The following USH2A variants were observed in gnomAD, a reference collection of about 807,000 sequenced individuals.
The protein encoded by USH2A is usherin, also known as Usher syndrome 2A (autosomal recessive, mild).
A neutral mutation model predicts 538.9 loss-of-function variants in USH2A; 443 were observed. That is an observed-to-expected ratio of 0.82 (90% CI 0.76 to 0.89). The LOEUF (loss-of-function observed/expected upper bound fraction) is 0.89. USH2A is among the 40% of genes least tolerant of loss of function. The probability of loss-of-function intolerance (pLI) is 0.00; values close to 1 mark genes in which losing one functional copy is unlikely to be tolerated. For missense variants in USH2A, 6,633 were observed against 6,324.8 expected, an observed-to-expected ratio of 1.05 and a Z score of -1.65; for synonymous variants, 2,413 against 2,273.5, an observed-to-expected ratio of 1.06 and a Z score of -1.75.
intron 67 of USH2A, 110 bp from the exon 68 acceptor site, chr1:215,640,844 C>CAAAAAA (rs56212994): frequency 4.5e-4 from 223 of 496,622 alleles, no homozygotes; most frequent in South Asian, 1.8e-3. Flanking sequence ...CCAATCCAAA[C>CAAAAAA]AAAAAAAAAA....
intron 37 of USH2A, among the ~76,000 whole-genome samples, chr1:215,957,083 T>C (rs1667086308): frequency 6.6e-6 from 1 of 152,204 alleles, no homozygotes; most frequent in African/African-American, 2.4e-5. Flanking sequence ...TCCAGAAATG[T>C]GTTGGAAACT....
intron 49 of USH2A, among the ~76,000 whole-genome samples, chr1:215,811,015 C>T (rs1662657533): frequency 6.6e-6 from 1 of 152,022 alleles, no homozygotes; most frequent in South Asian, 2.1e-4. Context: ...AATCAGGACA[C>T]CTGAAACCAC....
rs145565836 is a variant in USH2A, at chr1:215,931,368, C to A, written c.7300+3248G>T. ...ATTCTTTGGAGTATGACCCTTTCAC[C>A]TCTCCTTTCCAAATTACTATCTAAA... On this transcript the variant is annotated intron_variant, in intron 38 of 71. Coordinates refer to ENST00000307340, the MANE Select transcript of USH2A (RefSeq NM_206933.4). Among the ~76,000 whole-genome samples the A allele has an allele frequency of 7.0e-4, 107 of 151,996 alleles. 1 individual carries two copies. The East Asian group carries it at 0.02, about 29-fold the overall frequency.
At chr1:216,294,980 C>T (rs1370285544) in intron 9 of USH2A, among the ~76,000 whole-genome samples, 1 of 151,550 alleles carries the variant, frequency 6.6e-6, no homozygotes, top group Admixed American at 6.6e-5. Flanking sequence ...TTTAAATATA[C>T]AGTTATATTT....
chr1:215,963,379 G>A (rs1401229809), intron 37 of USH2A, among the ~76,000 whole-genome samples: 2 of 151,870 alleles, frequency 1.3e-5, no homozygotes, highest in Non-Finnish European at 2.9e-5. Context: ...ATTTTCCTGG[G>A]GCCCATCTCA....
chr1:215,911,302 A>T (rs1665774265), intron 38 of USH2A, among the ~76,000 whole-genome samples: 1 of 151,826 alleles, frequency 6.6e-6, no homozygotes. Context: ...GGTCTTATGC[A>T]TTCATTCTAT....
chr1:216,102,757 G>A (rs2032621308), intron 21 of USH2A, among the ~76,000 whole-genome samples: 1 of 152,108 alleles, frequency 6.6e-6, no homozygotes, highest in Non-Finnish European at 1.5e-5. Context: ...TGGAGATCGC[G>A]CCACTGCACT....
chr1:215,628,797 T>C lies in USH2A; in HGVS notation c.15519+17A>G. On this transcript the variant is annotated intron_variant, in intron 71 of 71. Transcript: ENST00000307340. Reference sequence around the variant, plus strand: ...TGGGATATTTAGCAAAGGCCCTGTATGAGGAAACCAACTCACCAGTCCACT... The same window carrying C: ...TGGGATATTTAGCAAAGGCCCTGTACGAGGAAACCAACTCACCAGTCCACT... The C allele has an allele frequency of 6.2e-7, 1 of 1,613,596 alleles. No individual in the cohort carries two copies. The highest frequency in any genetic ancestry group is 8.5e-7 in the Non-Finnish European group (1 of 1,179,508).
At chr1:216,413,834 C>A (rs1343364655) in intron 3 of USH2A, among the ~76,000 whole-genome samples, 1 of 152,052 alleles carries the variant, frequency 6.6e-6, no homozygotes, top group African/African-American at 2.4e-5. Context: ...TGTTTTACTG[C>A]AATTCTGCAT....
intron 20 of USH2A, 32 bp from the exon 21 acceptor site, chr1:216,175,514 G>T: frequency 6.2e-7 from 1 of 1,609,672 alleles, no homozygotes; most frequent in South Asian, 1.1e-5. Flanking sequence ...TTATATTCAA[G>T]AATTTGGTTT....
At chr1:216,256,649 G>A (rs1156748476) in intron 11 of USH2A, among the ~76,000 whole-genome samples, 1 of 151,914 alleles carries the variant, frequency 6.6e-6, no homozygotes, top group Admixed American at 6.6e-5. Context: ...TACTCAAAGT[G>A]AAGATAAAGA....
At chr1:216,150,972 T>C (rs868645747) in intron 21 of USH2A, among the ~76,000 whole-genome samples, 12 of 152,170 alleles carry the variant, frequency 7.9e-5, no homozygotes, top group African/African-American at 2.9e-4. Context: ...TTAGCAGTAA[T>C]TATTGCTTAG....
intron 29 of USH2A, 135 bp downstream of exon 29, chr1:216,072,754 T>A: frequency 1.2e-6 from 1 of 859,660 alleles, no homozygotes; most frequent in East Asian, 2.5e-5. Context: ...CAGATGTATT[T>A]TCAAACCAAG....
chr1:216,012,543 T>C (rs140822052), intron 32 of USH2A, among the ~76,000 whole-genome samples: 5,557 of 152,196 alleles, frequency 0.037, 298 homozygotes, highest in African/African-American at 0.12. Context: ...TTTAGCCTTC[T>C]CACCTCTATA....
chr1:216,297,852 C>T (rs1009704065), intron 9 of USH2A, among the ~76,000 whole-genome samples: 7 of 152,116 alleles, frequency 4.6e-5, no homozygotes, highest in African/African-American at 1.7e-4. Context: ...ACTATTACTT[C>T]TTCTAGTAGC....
intron 3 of USH2A, among the ~76,000 whole-genome samples, chr1:216,377,805 TAAAAAGAAA>T (rs1187677899): frequency 2.1e-3 from 19 of 9,078 alleles, no homozygotes; most frequent in African/African-American, 4.9e-3. Context: ...AGGAAAGAAA[TAAAAAGAAA>T]GAAAGAAAGA....
intron 61 of USH2A, among the ~76,000 whole-genome samples, chr1:215,715,242 G>A (rs1166945720): frequency 6.6e-6 from 1 of 152,102 alleles, no homozygotes; most frequent in African/African-American, 2.4e-5. Context: ...TGTGGTATTT[G>A]GTTTTCTGTT....
chr1:215,891,174 C>G (rs554044603), intron 40 of USH2A, among the ~76,000 whole-genome samples: 2 of 152,110 alleles, frequency 1.3e-5, no homozygotes, highest in Admixed American at 1.3e-4. Flanking sequence ...CAATACACAG[C>G]CTTTTCTTAA....
chr1:216,235,456 T>C (rs1220314544), intron 13 of USH2A, among the ~76,000 whole-genome samples: 1 of 152,214 alleles, frequency 6.6e-6, no homozygotes, highest in Non-Finnish European at 1.5e-5. Flanking sequence ...TATTTTCCCA[T>C]ATTATTTAGC....
Sources: allele counts gnomAD v4.1 joint callset (sites outside exome capture counted in the v4.1 genomes callset), GRCh38; gene constraint gnomAD v4.1.1; transcripts MANE v1.5; gene names NCBI Gene and HGNC (gene_info 2026-07-23, HGNC 2026-07-21).